Variants in TIGAR observed in about 807,000 individuals in gnomAD.
The protein encoded by TIGAR is fructose-2,6-bisphosphatase TIGAR.
In TIGAR, 7 loss-of-function variants were observed where a neutral mutation model predicts 17.9. The ratio of observed to expected loss-of-function variants is 0.39; its 90% CI spans 0.22 to 0.73. The LOEUF is 0.73. Among genes scored for constraint, TIGAR ranks in the 30% least tolerant of loss-of-function variants. The probability of loss-of-function intolerance (pLI) is 0.42; values close to 1 mark genes in which losing one functional copy is unlikely to be tolerated. For synonymous variants in TIGAR, 94 were observed against 108.6 expected (o/e 0.87, Z 0.84); for missense variants, 258 against 327.4 (o/e 0.79, Z 1.64).
intron 3 of TIGAR, among the ~76,000 whole-genome samples, chr12:4,345,337 C>A (rs1180787403): frequency 6.6e-6 from 1 of 152,212 alleles, no homozygotes; most frequent in African/African-American, 2.4e-5. Context: ...CTGGAGGCAT[C>A]ACGCTACCTG....
chr12:4,327,753 C>T (rs1450914834), intron 1 of TIGAR, among the ~76,000 whole-genome samples: 1 of 152,200 alleles, frequency 6.6e-6, no homozygotes, highest in Non-Finnish European at 1.5e-5. Context: ...CTGCAGCCTC[C>T]GCCTCCTGGG....
chr12:4,355,824 G>T lies in TIGAR; in HGVS notation c.*3133G>T, dbSNP rs1864894438. 6.6e-6 allele frequency among the ~76,000 whole-genome samples: 1 copy of T among 152,198 alleles called. No individual in the cohort carries two copies. The highest frequency in any genetic ancestry group is 1.5e-5 in the Non-Finnish European group (1 of 68,040). On this transcript the variant is annotated 3_prime_UTR_variant, in exon 6 of 6. Transcript: ENST00000179259. ...AGGAATGCTGCTTTATCCAGGATGGGCAGGGAGGACTCGATGGTGTCAGCA... is the reference window on the plus strand; with the variant it reads ...AGGAATGCTGCTTTATCCAGGATGGTCAGGGAGGACTCGATGGTGTCAGCA...
chr12:4,346,013 C>T (rs1226412907), intron 3 of TIGAR, among the ~76,000 whole-genome samples: 1 of 152,234 alleles, frequency 6.6e-6, no homozygotes. Flanking sequence ...AAATGCTCAT[C>T]ATCACTGGCC....
In TIGAR at chr12:4,359,926, A is replaced by G. The variant is rs1456412383; in HGVS notation, c.*7235A>G. Among the ~76,000 whole-genome samples the G allele has an allele frequency of 6.6e-6, 1 of 152,192 alleles. No individual in the cohort carries two copies. Among genetic ancestry groups the G allele is most frequent in the Non-Finnish European group, 1.5e-5 (1 of 68,030 alleles). On this transcript the variant is annotated 3_prime_UTR_variant, in exon 6 of 6. Transcript: ENST00000179259. ...TGTTGTATGGTAGTATATCCCTGCA[A>G]TTTTAACTGGTGATATGGAATGCTT...
rs1363426799 is a variant in TIGAR at position 4,321,584 on chromosome 12, G to C, written c.32+281G>C. Among the ~76,000 whole-genome samples, 1 of 152,188 alleles carries C rather than the reference G, an allele frequency of 6.6e-6. No homozygotes were observed. The highest frequency in any genetic ancestry group is 1.5e-5 in the Non-Finnish European group (1 of 68,042). ...GAGGAGCAAGGGATCGGGGTTCGTAGGCACTTGGTGGCTGCACCAAAAACG... is the reference window on the plus strand; with the variant it reads ...GAGGAGCAAGGGATCGGGGTTCGTACGCACTTGGTGGCTGCACCAAAAACG... On this transcript the variant is annotated intron_variant, in intron 1 of 5. Transcript: ENST00000179259. The surrounding 1 kb of genome is among the most constrained non-coding windows in gnomAD (Gnocchi z 5.2).
At chr12:4,325,353 ATAC>A (rs1437226965) in intron 1 of TIGAR, among the ~76,000 whole-genome samples, 1 of 152,218 alleles carries the variant, frequency 6.6e-6, no homozygotes, top group Admixed American at 6.5e-5. Context: ...AGCAAGCAAA[ATAC>A]TATTAGCTCA....
At chr12:4,340,009 A>G (rs2120672685) in intron 3 of TIGAR, among the ~76,000 whole-genome samples, 1 of 152,368 alleles carries the variant, frequency 6.6e-6, no homozygotes, top group East Asian at 1.9e-4. Flanking sequence ...ATCTAGAACA[A>G]GACAAGGATG....
chr12:4,334,622 G>A (rs190729420), intron 2 of TIGAR, among the ~76,000 whole-genome samples: 85 of 152,242 alleles, frequency 5.6e-4, no homozygotes, highest in African/African-American at 1.9e-3. Flanking sequence ...TTAAATTTAT[G>A]AATATATTTG....
In TIGAR at chr12:4,352,710, A is replaced by G. The variant is rs747443043; in HGVS notation, c.*19A>G. 1.3e-5 allele frequency: 21 copies of G among 1,587,444 alleles called. No individual in the cohort carries two copies. In the African/African-American group the frequency reaches 2.3e-4, roughly 17 times the overall value. On this transcript the variant is annotated 3_prime_UTR_variant, in exon 6 of 6. Coordinates refer to ENST00000179259, the MANE Select transcript of TIGAR (RefSeq NM_020375.3). ...TCGCTAAGGTTAAATCTGCATCAAA[A>G]TCTAACCATTTTGAGCCTCTGAAGG...
At chr12:4,336,476 ACAC>A (rs1864660145) in intron 2 of TIGAR, among the ~76,000 whole-genome samples, 2 of 151,002 alleles carry the variant, frequency 1.3e-5, no homozygotes, top group East Asian at 3.9e-4. Context: ...ACACACACAC[ACAC>A]ACACACACAC....
At chr12:4,343,380 CACCTAATAG>C (rs1490323921) in intron 3 of TIGAR, among the ~76,000 whole-genome samples, 2 of 152,102 alleles carry the variant, frequency 1.3e-5, no homozygotes, top group African/African-American at 4.8e-5. Flanking sequence ...GCACCAAGCA[CACCTAATAG>C]ACATCTACAG....
intron 3 of TIGAR, among the ~76,000 whole-genome samples, chr12:4,345,303 C>G (rs1255171262): frequency 6.6e-6 from 1 of 152,208 alleles, no homozygotes; most frequent in African/African-American, 2.4e-5. Context: ...ATTGCCAAGT[C>G]AATCCTAAGC....
chr12:4,327,135 G>T (rs1399865856), intron 1 of TIGAR, among the ~76,000 whole-genome samples: 1 of 152,136 alleles, frequency 6.6e-6, no homozygotes, highest in Non-Finnish European at 1.5e-5. Flanking sequence ...ATGGCCAGGC[G>T]CAGTAGCTCG....
At chr12:4,348,565 A>C (rs1450888142) in intron 3 of TIGAR, among the ~76,000 whole-genome samples, 1 of 151,960 alleles carries the variant, frequency 6.6e-6, no homozygotes, top group Non-Finnish European at 1.5e-5. Context: ...CATTTCAGAC[A>C]AAGAGATTCT....
At chr12:4,350,926 T>C (rs1403283839) in intron 4 of TIGAR, among the ~76,000 whole-genome samples, 1 of 152,204 alleles carries the variant, frequency 6.6e-6, no homozygotes, top group Middle Eastern at 3.2e-3. Flanking sequence ...GGATGGGAGA[T>C]GGCTGAATTG....
intron 3 of TIGAR, among the ~76,000 whole-genome samples, chr12:4,340,563 T>G (rs1864708670): frequency 6.6e-6 from 1 of 152,176 alleles, no homozygotes; most frequent in African/African-American, 2.4e-5. Context: ...AAAATTTATG[T>G]GGAACTGCAA....
At position 4,321,425 on chromosome 12, in the gene TIGAR, GCTTGGA is replaced by G; in HGVS notation, c.32+123_32+128del. On this transcript the variant is annotated intron_variant, in intron 1 of 5. Coordinates refer to ENST00000179259, the MANE Select transcript of TIGAR (RefSeq NM_020375.3). This position sits in a 1 kb window ranked among gnomAD's most constrained non-coding sequence, Gnocchi z 5.2. ...TGCTCGCTCCAGCCCGGGAGGGCTG[GCTTGGA>G]AGCGCTTTTTCCGGGGCGCTTGCCC... 1 of 1,409,632 alleles carries G rather than the reference GCTTGGA, an allele frequency of 7.1e-7. No homozygotes were observed. Among genetic ancestry groups the G allele is most frequent in the Non-Finnish European group, 9.7e-7 (1 of 1,035,746 alleles). The allele number at this position is 1,409,632 out of a possible 1,614,324, so 87.3% of individuals were successfully genotyped here.
chr12:4,324,749 C>A, intron 1 of TIGAR: 1 of 719,816 alleles, frequency 1.4e-6, no homozygotes, highest in Non-Finnish European at 2.5e-6. Context: ...GCAGCTGGTC[C>A]AAGTCTGTGC....
chr12:4,342,324 C>T (rs1298612297), intron 3 of TIGAR, among the ~76,000 whole-genome samples: 17 of 152,236 alleles, frequency 1.1e-4, no homozygotes, highest in Non-Finnish European at 2.4e-4. Flanking sequence ...AGCATATTAT[C>T]CAGGAGAACT....
Sources: allele counts gnomAD v4.1 joint callset (sites outside exome capture counted in the v4.1 genomes callset), GRCh38; gene constraint gnomAD v4.1.1; non-coding constraint Gnocchi (gnomAD v3.1); transcripts MANE v1.5; gene names NCBI Gene and HGNC (gene_info 2026-07-23, HGNC 2026-07-21).